Variants in RASA2 observed in about 807,000 individuals in gnomAD.
RASA2 encodes the protein ras GTPase-activating protein 2.
Under a neutral mutation model 118.2 loss-of-function variants are expected in RASA2, and 155 were observed. The observed-to-expected ratio is 1.31, with a 90% CI of 1.15 to 1.50. RASA2 has a LOEUF of 1.50. RASA2 is among the 40% of genes most tolerant of loss of function. The pLI is 0.00. For missense variants in RASA2, 1,016 were observed against 1,009.6 expected (o/e 1.01, Z -0.09); for synonymous variants, 353 against 349.1 (o/e 1.01, Z -0.12).
chr3:141,559,775 A>G (rs980459085), intron 8 of RASA2, 119 bp from the exon 9 acceptor site: 6 of 779,914 alleles, frequency 7.7e-6, no homozygotes, highest in Non-Finnish European at 1.3e-5. Flanking sequence ...TGTTGCTAAC[A>G]TCTTTTAAGC....
intron 19 of RASA2, among the ~76,000 whole-genome samples, chr3:141,596,380 T>C (rs375094767): frequency 6.6e-6 from 1 of 152,186 alleles, no homozygotes; most frequent in Admixed American, 6.5e-5. Flanking sequence ...TAAAGGGAAA[T>C]TGATTGTTAT....
At chr3:141,596,333 TATATC>T (rs2083367317) in intron 19 of RASA2, among the ~76,000 whole-genome samples, 1 of 152,140 alleles carries the variant, frequency 6.6e-6, no homozygotes, top group Non-Finnish European at 1.5e-5. Context: ...ATGCAACAAA[TATATC>T]AAAGTTTGTG....
At chr3:141,566,669 G>C (rs2082824693) in intron 9 of RASA2, among the ~76,000 whole-genome samples, 1 of 152,156 alleles carries the variant, frequency 6.6e-6, no homozygotes, top group African/African-American at 2.4e-5. Context: ...GCAGGAACAG[G>C]ATGGGAGAGT....
chr3:141,553,811 G>T (rs1440299842), intron 5 of RASA2, 46 bp from the exon 6 acceptor site: 2 of 1,578,420 alleles, frequency 1.3e-6, no homozygotes, highest in African/African-American at 1.4e-5. Context: ...GTTTTATCTT[G>T]TTTAACTGGA....
intron 19 of RASA2, among the ~76,000 whole-genome samples, chr3:141,599,569 G>A (rs1193429726): frequency 3.3e-5 from 5 of 152,134 alleles, no homozygotes; most frequent in African/African-American, 7.2e-5. Flanking sequence ...CTATTACATA[G>A]TAAAGTGAAT....
chr3:141,488,399 T>C (rs1011012094), intron 1 of RASA2, among the ~76,000 whole-genome samples: 2 of 152,208 alleles, frequency 1.3e-5, no homozygotes, highest in African/African-American at 4.8e-5. Flanking sequence ...AATTCTTTCC[T>C]GGGCAGGATG....
intron 21 of RASA2, 142 bp from the exon 22 acceptor site, chr3:141,609,278 A>T: frequency 2.0e-6 from 1 of 494,688 alleles, no homozygotes; most frequent in Non-Finnish European, 3.5e-6. Flanking sequence ...ACTTTATTTT[A>T]ACTGTCAAAT....
chr3:141,501,634 G>A (rs2081783079), intron 1 of RASA2, among the ~76,000 whole-genome samples: 1 of 152,130 alleles, frequency 6.6e-6, no homozygotes, highest in Non-Finnish European at 1.5e-5. Flanking sequence ...TACTAGTACT[G>A]TATATGTTTT....
chr3:141,496,144 T>G (rs1372890546), intron 1 of RASA2, among the ~76,000 whole-genome samples: 1 of 152,224 alleles, frequency 6.6e-6, no homozygotes, highest in Non-Finnish European at 1.5e-5. Context: ...GAACCCTTCC[T>G]TACACCTTGT....
rs1553790597 is a variant in RASA2 at position 141,549,472 on chromosome 3, A to AGTGTGTGTGCGTGT, written c.528-4376_528-4375insCGTGTGTGTGTGTG. The stretch of plus-strand genomic sequence containing the variant: ...AAAAATAGTGGTAGGAGTGTGTATG[A>AGTGTGTGTGCGTGT]GTGTGTGTGTGCGTGTGTGTGTGTG... On this transcript the variant is annotated intron_variant, in intron 5 of 23. Coordinates refer to ENST00000286364, the MANE Select transcript of RASA2 (RefSeq NM_006506.5). Among the ~76,000 whole-genome samples the AGTGTGTGTGCGTGT allele has an allele frequency of 2.6e-3, 349 of 134,812 alleles. 1 individual carries two copies. The highest frequency in any genetic ancestry group is 9.8e-3 in the African/African-American group (341 of 34,778). 88.4% of individuals were successfully genotyped at this position (134,812 alleles called of 152,430 possible).
intron 1 of RASA2, among the ~76,000 whole-genome samples, chr3:141,500,065 A>G (rs998560874): frequency 5.9e-5 from 9 of 152,250 alleles, no homozygotes; most frequent in Non-Finnish European, 1.0e-4. Flanking sequence ...AGCAGTCACC[A>G]TATGCCTATT....
At position 141,555,184 on chromosome 3, in the gene RASA2, C is replaced by A. The variant is rs575493592; in HGVS notation, c.612-656C>A. Among the ~76,000 whole-genome samples the A allele has an allele frequency of 2.1e-3, 321 of 152,262 alleles. 1 individual carries two copies. The highest frequency in any genetic ancestry group is 7.7e-3 in the African/African-American group (318 of 41,546). On this transcript the variant is annotated intron_variant, in intron 6 of 23. Coordinates refer to ENST00000286364, the MANE Select transcript of RASA2 (RefSeq NM_006506.5). Reference sequence around the variant, plus strand: ...GCTGAGGCAGGAGAATCGCTTGAACCCTGAGGCGAAGGTTATGGTGAACCG... The same window carrying A: ...GCTGAGGCAGGAGAATCGCTTGAACACTGAGGCGAAGGTTATGGTGAACCG...
In RASA2 at chr3:141,592,595, T is replaced by C. The variant is rs957469335; in HGVS notation, c.1933+5843T>C. Among the ~76,000 whole-genome samples, 3 of 152,078 alleles carry C rather than the reference T, an allele frequency of 2.0e-5. No homozygotes were observed. The East Asian group carries it at 5.8e-4, about 29-fold the overall frequency. On this transcript the variant is annotated intron_variant, in intron 19 of 23. Transcript: ENST00000286364. Reference sequence around the variant, plus strand: ...TGAATGAAGGGCACAAGGAGAGCAGTTAAGAGACTACTAAAATATTCTAGA... The same window carrying C: ...TGAATGAAGGGCACAAGGAGAGCAGCTAAGAGACTACTAAAATATTCTAGA...
At chr3:141,507,016 A>C (rs1324496443) in intron 1 of RASA2, among the ~76,000 whole-genome samples, 1 of 152,110 alleles carries the variant, frequency 6.6e-6, no homozygotes, top group African/African-American at 2.4e-5. Context: ...ATTTTATCCA[A>C]ATGCTACAGA....
intron 4 of RASA2, among the ~76,000 whole-genome samples, chr3:141,536,460 A>C (rs2082327067): frequency 6.6e-6 from 1 of 152,308 alleles, no homozygotes; most frequent in Middle Eastern, 3.4e-3. Flanking sequence ...TCAGTACGAG[A>C]GTAGTGTAAG....
At position 141,490,879 on chromosome 3, in the gene RASA2, T is replaced by G. The variant is rs111302715; in HGVS notation, c.133+3663T>G. 4.6e-3 allele frequency among the ~76,000 whole-genome samples: 705 copies of G among 152,330 alleles called. 7 individuals carry two copies. The highest frequency in any genetic ancestry group is 0.016 in the African/African-American group (684 of 41,578). On this transcript the variant is annotated intron_variant, in intron 1 of 23. Coordinates refer to ENST00000286364, the MANE Select transcript of RASA2 (RefSeq NM_006506.5). ...CTATCTCACGGGTTGTTATGAGGTT[T>G]AAATAAGCCTCCCTCCCTACTCTGC...
chr3:141,609,797 A>G, intron 22 of RASA2, 80 bp from the exon 23 acceptor site: 1 of 1,331,182 alleles, frequency 7.5e-7, no homozygotes, highest in South Asian at 1.8e-5. Context: ...AAGACACTTG[A>G]AAAATTCTTA....
intron 19 of RASA2, among the ~76,000 whole-genome samples, chr3:141,591,459 C>T (rs1357242696): frequency 6.6e-6 from 1 of 152,172 alleles, no homozygotes; most frequent in South Asian, 2.1e-4. Context: ...TTGTCCATCT[C>T]TTCCCCTAGT....
intron 4 of RASA2, among the ~76,000 whole-genome samples, chr3:141,533,083 C>G (rs563057661): frequency 1.3e-5 from 2 of 152,146 alleles, no homozygotes; most frequent in Non-Finnish European, 2.9e-5. Flanking sequence ...TAAATCTACT[C>G]CAGTCTCTTT....
Sources: gnomAD v4.1 joint callset for allele counts (sites outside exome capture counted in the v4.1 genomes callset) on GRCh38, gnomAD v4.1.1 for gene constraint, MANE v1.5 for transcripts, NCBI Gene and HGNC (gene_info 2026-07-23, HGNC 2026-07-21) for gene names.